EXOC3L4: variants seen among roughly 807,000 people sequenced by gnomAD.
EXOC3L4 encodes the protein exocyst complex component 3 like 4.
EXOC3L4 carries 62 observed loss-of-function variants against 69.7 expected under a neutral mutation model. The ratio of observed to expected loss-of-function variants is 0.89; its 90% CI spans 0.72 to 1.10. The LOEUF (loss-of-function observed/expected upper bound fraction) is 1.10. Among genes scored for constraint, EXOC3L4 ranks in the 50% least tolerant of loss-of-function variants. The probability of loss-of-function intolerance (pLI) is 0.00; values close to 1 mark genes in which losing one functional copy is unlikely to be tolerated. For synonymous variants in EXOC3L4, 502 were observed against 464.2 expected, an observed-to-expected ratio of 1.08 and a Z score of -1.05; for missense variants, 1,087 against 1,034.8, an observed-to-expected ratio of 1.05 and a Z score of -0.69.
rs374105891 is a variant in EXOC3L4, at chr14:103,107,426, G to C, written c.1584G>C (p.Pro528=). Residue 528 remains proline (P), a splice_region_variant and synonymous_variant, in exon 9 of 12, where the codon CCG becomes CCC. Transcript: ENST00000688303. The stretch of plus-strand genomic sequence containing the variant: ...ACTCCCAGCCCCTCTGTCCCCAGCC[G>C]CTCTTCAGGGTTGTGTGCACCAGGG... ...LLQGLQRELQ[P]LFRVVCTRDW... is the part of the protein sequence containing the mutation. 18 of 1,613,160 alleles carry C rather than the reference G, an allele frequency of 1.1e-5. No individual in the cohort carries two copies. In the South Asian group the frequency reaches 2.0e-4, roughly 18 times the overall value.
In EXOC3L4 at chr14:103,110,358, A is replaced by T. The variant is rs1428080378; in HGVS notation, c.*135A>T. ...CAGTTAGGGAATTTTTGTCGTCAGC[A>T]GCCAAGCGCAGCTGTCAGGCCAGAA... On this transcript the variant is annotated 3_prime_UTR_variant, in exon 12 of 12. Transcript: ENST00000688303. 9.7e-7 allele frequency: 1 copy of T among 1,033,308 alleles called. No homozygotes were observed. The highest frequency in any genetic ancestry group is 1.4e-5 in the South Asian group (1 of 73,142). The allele number at this position is 1,033,308 out of a possible 1,614,324, so 64.0% of individuals were successfully genotyped here. A position where few individuals can be genotyped will look rare whatever the true frequency, so the allele number is the denominator to read the frequency against.
chr14:103,109,907 C>A, intron 11 of EXOC3L4, 124 bp from the exon 12 acceptor site: 1 of 1,102,214 alleles, frequency 9.1e-7, no homozygotes, highest in Non-Finnish European at 1.3e-6. Flanking sequence ...AATCTGACCT[C>A]CCTGACCATC....
intron 8 of EXOC3L4, 84 bp downstream of exon 8, chr14:103,106,983 G>A: frequency 8.7e-7 from 1 of 1,144,216 alleles, no homozygotes; most frequent in East Asian, 2.6e-5. Context: ...CCAGGTCACA[G>A]CATTCATTTA....
chr14:103,100,416 C>G lies in EXOC3L4; in HGVS notation c.197C>G (p.Thr66Ser). The G allele has an allele frequency of 6.2e-7, 1 of 1,612,842 alleles. No individual in the cohort carries two copies. The highest frequency in any genetic ancestry group is 1.3e-5 in the African/African-American group (1 of 75,064). Residue 66 changes from threonine (T) to serine (S), a missense_variant, in exon 2 of 12, where the codon ACC (threonine) becomes AGC (serine). Physicochemically the swap from Thr to Ser is moderately conservative, Grantham distance 58 (BLOSUM62 1). Transcript: ENST00000688303. ...AFSRASQRAL[T>S]QVSKEDTGLF... ...TCCCGGGCCAGCCAGCGGGCTTTGA[C>G]CCAGGTCTCCAAGGAAGATACGGGC...
At chr14:103,109,024 T>C (rs551161741) in intron 11 of EXOC3L4, among the ~76,000 whole-genome samples, 1 of 151,684 alleles carries the variant, frequency 6.6e-6, no homozygotes, top group South Asian at 2.1e-4. Flanking sequence ...GGATTCCCCA[T>C]CCCCAGCAGG....
At chr14:103,100,858 T>G (rs1890149269) in intron 2 of EXOC3L4, among the ~76,000 whole-genome samples, 1 of 151,538 alleles carries the variant, frequency 6.6e-6, no homozygotes. Context: ...ACCTCAACTT[T>G]CTGAGTAGCT....
At chr14:103,105,096 G>A (rs2139498754) in intron 7 of EXOC3L4, 24 bp downstream of exon 7, 2 of 1,581,264 alleles carry the variant, frequency 1.3e-6, no homozygotes, top group Non-Finnish European at 1.7e-6. Flanking sequence ...GCTCCTGTGC[G>A]GGCGCAGCGT....
chr14:103,103,803 T>TGTGTGG, intron 3 of EXOC3L4, 138 bp from the exon 4 acceptor site: 1 of 541,052 alleles, frequency 1.8e-6, no homozygotes, highest in Non-Finnish European at 3.3e-6. Context: ...CGCGCGTGTG[T>TGTGTGG]GTGTGTGTGT....
At chr14:103,105,370 G>GTT (rs1056250876) in intron 7 of EXOC3L4, among the ~76,000 whole-genome samples, 27 of 151,828 alleles carry the variant, frequency 1.8e-4, no homozygotes, top group Non-Finnish European at 1.3e-4. Context: ...GTGTGTGTGT[G>GTT]TGTGTGTGTG....
At chr14:103,109,126 A>G (rs1398978740) in intron 11 of EXOC3L4, among the ~76,000 whole-genome samples, 1 of 115,804 alleles carries the variant, frequency 8.6e-6, no homozygotes, top group African/African-American at 3.4e-5. Flanking sequence ...TGGCCCCGTC[A>G]CCCGCAGCTG....
intron 1 of EXOC3L4, among the ~76,000 whole-genome samples, chr14:103,099,307 G>A (rs568862002): frequency 1.3e-5 from 2 of 152,178 alleles, no homozygotes; most frequent in African/African-American, 4.8e-5. Context: ...CTGGAAGGGG[G>A]TGTGGGTGGA....
chr14:103,105,358 C>CTG (rs56105443), intron 7 of EXOC3L4, among the ~76,000 whole-genome samples: 30,573 of 141,476 alleles, frequency 0.22, 3,596 homozygotes, highest in South Asian at 0.28. Context: ...GAGCTGAGGG[C>CTG]TGTGTGTGTG....
Position 103,105,000 on chromosome 14 carries a change from A to G in EXOC3L4, c.1394A>G (p.Lys465Arg). The change falls in exon 7 of 12, where the codon AAG becomes AGG. Residue 465 changes from lysine to arginine, a missense_variant. Transcript: ENST00000688303. ...TGTGTATCCCGCCCCAGGTTTGAAA[A>G]GGCTTTTCTGGCGTCGGAGGCGGTG... is the stretch of plus-strand genomic sequence containing the variant. ...ALGLFVPRFEKAFLASEAVSE... is the reference protein window; with the variant it reads ...ALGLFVPRFERAFLASEAVSE... 1 of 1,612,464 alleles carries G rather than the reference A, an allele frequency of 6.2e-7. No homozygotes were observed.
intron 10 of EXOC3L4, 138 bp downstream of exon 10, chr14:103,107,921 G>A (rs1191275821): frequency 5.5e-6 from 7 of 1,280,020 alleles, no homozygotes; most frequent in East Asian, 5.1e-5. Context: ...GGACTGGGGC[G>A]CCTGTGGGGC....
chr14:103,096,438 A>C (rs1455044944), intron 1 of EXOC3L4, among the ~76,000 whole-genome samples: 1 of 141,586 alleles, frequency 7.1e-6, no homozygotes, highest in Non-Finnish European at 1.5e-5. Context: ...AGTAGAGTGA[A>C]AACAGAGCTC....
At position 103,097,370 on chromosome 14, in the gene EXOC3L4, G is replaced by C. The variant is rs1282150768; in HGVS notation, c.-17+2530G>C. On this transcript the variant is annotated intron_variant, in intron 1 of 11. Coordinates refer to ENST00000688303, the MANE Select transcript of EXOC3L4 (RefSeq NM_001077594.2). This position sits in a 1 kb window ranked among gnomAD's most constrained non-coding sequence, Gnocchi z 4.9. ...AGCCGGGGCCCCCTGGACTCTCCGG[G>C]CACTGGGGACAGAGAGACGCAGAGA... 1.3e-5 allele frequency among the ~76,000 whole-genome samples: 2 copies of C among 152,162 alleles called. No individual in the cohort carries two copies. Among genetic ancestry groups the C allele is most frequent in the African/African-American group, 4.8e-5 (2 of 41,428 alleles).
intron 4 of EXOC3L4, 24 bp from the exon 5 acceptor site, chr14:103,104,243 A>G (rs1291297890): frequency 6.4e-7 from 1 of 1,554,926 alleles, no homozygotes; most frequent in South Asian, 1.2e-5. Flanking sequence ...GGGTCTCACC[A>G]CGGCCCATCC....
chr14:103,099,600 C>G (rs1350719567), intron 1 of EXOC3L4, among the ~76,000 whole-genome samples: 1 of 152,230 alleles, frequency 6.6e-6, no homozygotes, highest in Non-Finnish European at 1.5e-5. Context: ...TTGGCCACTG[C>G]CCTCAGGCCC....
intron 8 of EXOC3L4, among the ~76,000 whole-genome samples, 170 bp downstream of exon 8, chr14:103,107,069 C>T (rs977649285): frequency 3.9e-5 from 6 of 152,202 alleles, no homozygotes; most frequent in Middle Eastern, 3.4e-3. Context: ...TGAGCAGGGG[C>T]GGCTGGGAGA....
Sources: gnomAD v4.1 joint callset for allele counts (sites outside exome capture counted in the v4.1 genomes callset) on GRCh38, gnomAD v4.1.1 for gene constraint, Gnocchi (gnomAD v3.1) non-coding constraint, MANE v1.5 for transcripts, NCBI Gene and HGNC (gene_info 2026-07-23, HGNC 2026-07-21) for gene names.